HMG20A: variants seen among roughly 807,000 people sequenced by gnomAD.
HMG20A encodes the protein high mobility group 20A.
Under a neutral mutation model 43.9 loss-of-function variants are expected in HMG20A, and 17 were observed. That is an observed-to-expected ratio of 0.39 (90% CI 0.27 to 0.58). The LOEUF (loss-of-function observed/expected upper bound fraction) is 0.58. HMG20A is among the 20% of genes least tolerant of loss of function. The pLI is 0.59. For synonymous variants in HMG20A, 132 were observed against 147.5 expected (o/e 0.89, Z 0.76); for missense variants, 341 against 438.2 (o/e 0.78, Z 1.98).
At chr15:77,423,694 A>G (rs748246046) in intron 1 of HMG20A, among the ~76,000 whole-genome samples, 5 of 152,208 alleles carry the variant, frequency 3.3e-5, no homozygotes, top group South Asian at 2.1e-4. Flanking sequence ...CAGAGATGTT[A>G]TACATAATAC....
At chr15:77,475,800 A>C (rs2072849265) in intron 6 of HMG20A, among the ~76,000 whole-genome samples, 1 of 152,262 alleles carries the variant, frequency 6.6e-6, no homozygotes, top group Non-Finnish European at 1.5e-5. Flanking sequence ...AATATGGCTA[A>C]GATTCCTTCT....
chr15:77,515,364 T>A, the HMG20A span, among the ~76,000 whole-genome samples: 3 of 152,178 alleles, frequency 2.0e-5, no homozygotes, highest in African/African-American at 7.2e-5. Flanking sequence ...TGGATTTCGA[T>A]ATGAAATCTG....
intron 3 of HMG20A, among the ~76,000 whole-genome samples, chr15:77,466,677 C>G (rs528642291): frequency 6.6e-6 from 1 of 152,312 alleles, no homozygotes; most frequent in South Asian, 2.1e-4. Context: ...ATGTCTGCCT[C>G]CCTGCCACAA....
At chr15:77,425,570 T>C (rs2073418330) in intron 1 of HMG20A, among the ~76,000 whole-genome samples, 1 of 152,162 alleles carries the variant, frequency 6.6e-6, no homozygotes, top group African/African-American at 2.4e-5. Flanking sequence ...CTGTAAGAAC[T>C]GATCTCTGCT....
At chr15:77,510,833 C>T in the HMG20A span, among the ~76,000 whole-genome samples, 27 of 152,222 alleles carry the variant, frequency 1.8e-4, no homozygotes, top group Non-Finnish European at 3.5e-4. Context: ...TTAAAAGGCA[C>T]GTCCCTGAGC....
the HMG20A span, among the ~76,000 whole-genome samples, chr15:77,511,032 G>C: frequency 6.6e-6 from 1 of 152,226 alleles, no homozygotes; most frequent in African/African-American, 2.4e-5. Flanking sequence ...GGAGCAGGGA[G>C]GTGGCCAAGT....
chr15:77,501,637 A>G, the HMG20A span, among the ~76,000 whole-genome samples: 1 of 152,218 alleles, frequency 6.6e-6, no homozygotes, highest in Non-Finnish European at 1.5e-5. Flanking sequence ...CTCTAGATTC[A>G]GATATGTGAC....
chr15:77,457,024 C>T (rs1375988094), intron 1 of HMG20A, among the ~76,000 whole-genome samples: 1 of 152,174 alleles, frequency 6.6e-6, no homozygotes, highest in African/African-American at 2.4e-5. Flanking sequence ...TCTCTACCTT[C>T]CATGCTCTAC....
chr15:77,432,184 G>A (rs545642027), intron 1 of HMG20A, among the ~76,000 whole-genome samples: 130 of 152,154 alleles, frequency 8.5e-4, no homozygotes, highest in African/African-American at 2.9e-3. Context: ...GAAAATAACT[G>A]CCAATCTAGA....
chr15:77,492,877 AGAG>A, the HMG20A span, among the ~76,000 whole-genome samples: 2 of 152,164 alleles, frequency 1.3e-5, no homozygotes, highest in Admixed American at 6.5e-5. Flanking sequence ...GTAAAGGAGC[AGAG>A]GAGATTAGAG....
At chr15:77,509,854 C>A in the HMG20A span, among the ~76,000 whole-genome samples, 9 of 150,568 alleles carry the variant, frequency 6.0e-5, no homozygotes, top group African/African-American at 2.2e-4. Context: ...CTGCAGTGAG[C>A]AGAGATTGCA....
At chr15:77,434,566 T>C (rs369088002) in intron 1 of HMG20A, among the ~76,000 whole-genome samples, 5 of 152,094 alleles carry the variant, frequency 3.3e-5, no homozygotes, top group Admixed American at 2.6e-4. Flanking sequence ...AAGGACAAAA[T>C]ACTTCAATAG....
the HMG20A span, among the ~76,000 whole-genome samples, chr15:77,493,126 G>A: frequency 2.6e-5 from 4 of 152,172 alleles, no homozygotes; most frequent in Non-Finnish European, 5.9e-5. Context: ...CTTTCATGGA[G>A]CCTAGTATCT....
In HMG20A at chr15:77,479,334, T is replaced by C. The variant is rs758389757; in HGVS notation, c.*6+13T>C. 1.2e-5 allele frequency: 19 copies of C among 1,610,546 alleles called. No individual in the cohort carries two copies. Among genetic ancestry groups the C allele is most frequent in the Non-Finnish European group, 1.6e-5 (19 of 1,178,440 alleles). ...TCGTTAGGGAATGGTGAGTGCTCACTGATAAATATTTATATGCCAGCACAT... is the reference window on the plus strand; with the variant it reads ...TCGTTAGGGAATGGTGAGTGCTCACCGATAAATATTTATATGCCAGCACAT... On this transcript the variant is annotated intron_variant, in intron 9 of 9. Transcript: ENST00000336216.
chr15:77,469,116 ATG>A, intron 4 of HMG20A, among the ~76,000 whole-genome samples: 1 of 151,912 alleles, frequency 6.6e-6, no homozygotes, highest in South Asian at 2.1e-4. Flanking sequence ...TGTTCTCAAT[ATG>A]TCACATATGC....
rs569579164 is a variant in HMG20A, at chr15:77,472,436, G to A, written c.615+622G>A. 1.2e-4 allele frequency among the ~76,000 whole-genome samples: 19 copies of A among 152,160 alleles called. No individual in the cohort carries two copies. In the Middle Eastern group the frequency reaches 0.014, roughly 109 times the overall value. ...ACTACAGGCTCGTGCCATCATACCC[G>A]GCTAATTTTCTGTATTTTTAGTAGA... On this transcript the variant is annotated intron_variant, in intron 6 of 9. Transcript: ENST00000336216.
chr15:77,431,281 A>G lies in HMG20A; in HGVS notation c.-5+10277A>G, dbSNP rs571665554. On this transcript the variant is annotated intron_variant, in intron 1 of 9. Transcript: ENST00000336216. ...GGCTGGAATGCAGTGGCGTGATCTC[A>G]GCTCACTGCAACCTTTGCCTCCTGT... Among the ~76,000 whole-genome samples the G allele has an allele frequency of 6.4e-4, 98 of 152,182 alleles. 1 individual carries two copies. The highest frequency in any genetic ancestry group is 2.3e-3 in the African/African-American group (97 of 41,522).
the HMG20A span, among the ~76,000 whole-genome samples, chr15:77,517,031 A>T: frequency 1.3e-5 from 2 of 152,154 alleles, no homozygotes; most frequent in Admixed American, 6.5e-5. Flanking sequence ...TGCTCGAGCC[A>T]GTCTTGGCAC....
At chr15:77,441,591 A>G (rs953671210) in intron 1 of HMG20A, among the ~76,000 whole-genome samples, 1 of 152,144 alleles carries the variant, frequency 6.6e-6, no homozygotes, top group African/African-American at 2.4e-5. Context: ...CTGAACTCAA[A>G]GTCAGATTTC....
Sources: gnomAD v4.1 joint callset for allele counts (sites outside exome capture counted in the v4.1 genomes callset) on GRCh38, gnomAD v4.1.1 for gene constraint, MANE v1.5 for transcripts, NCBI Gene and HGNC (gene_info 2026-07-23, HGNC 2026-07-21) for gene names.